The following TRAPPC10 variants were observed in gnomAD, a reference collection of about 807,000 sequenced individuals.
TRAPPC10 encodes the protein trafficking protein particle complex subunit 10, also known as TRAPP 130 kDa subunit.
A neutral mutation model predicts 125.5 loss-of-function variants in TRAPPC10; 23 were observed. The observed-to-expected ratio is 0.18, with a 90% CI of 0.13 to 0.26. TRAPPC10 has a LOEUF of 0.26. Among genes scored for constraint, TRAPPC10 ranks in the 10% least tolerant of loss-of-function variants. TRAPPC10 has a pLI of 1.00. For missense variants in TRAPPC10, 1,123 were observed against 1,308.4 expected (o/e 0.86, Z 2.19); for synonymous variants, 509 against 518.0 (o/e 0.98, Z 0.24).
At chr21:44,078,722 G>A (rs2037458281) in intron 11 of TRAPPC10, among the ~76,000 whole-genome samples, 1 of 152,210 alleles carries the variant, frequency 6.6e-6, no homozygotes, top group South Asian at 2.1e-4. Flanking sequence ...GAAGCAGAGA[G>A]GCTTCTCGGG....
intron 1 of TRAPPC10, among the ~76,000 whole-genome samples, chr21:44,028,248 A>G (rs1214647810): frequency 2.0e-5 from 3 of 152,266 alleles, no homozygotes. Flanking sequence ...CAGAAAATCC[A>G]ATTGCAACTG....
chr21:44,071,813 C>G (rs2036890217), intron 7 of TRAPPC10, among the ~76,000 whole-genome samples: 1 of 152,232 alleles, frequency 6.6e-6, no homozygotes, highest in African/African-American at 2.4e-5. Context: ...GAGACCAGAG[C>G]AGGCCCGGGG....
At chr21:44,027,840 A>T (rs2033211776) in intron 1 of TRAPPC10, among the ~76,000 whole-genome samples, 1 of 152,156 alleles carries the variant, frequency 6.6e-6, no homozygotes, top group Non-Finnish European at 1.5e-5. Flanking sequence ...TAGTGCCCTT[A>T]TAAAAAAGGG....
chr21:44,080,027 C>T lies in TRAPPC10; in HGVS notation c.1623C>T (p.Thr541=), dbSNP rs751615736. ...HLGQIENYLQ[T]SSLLASDHHL... is the part of the protein sequence containing the mutation. ...CTCTCCGCTCCAGCTACCTGCAGACCAGCAGCCTCTTAGCCAGTGACCACC... is the reference window on the plus strand; with the variant it reads ...CTCTCCGCTCCAGCTACCTGCAGACTAGCAGCCTCTTAGCCAGTGACCACC... Residue 541 remains threonine (T), a synonymous_variant, in exon 13 of 23, where the codon ACC becomes ACT. Transcript: ENST00000291574. 1.9e-6 allele frequency: 3 copies of T among 1,614,088 alleles called. No individual in the cohort carries two copies. The highest frequency in any genetic ancestry group is 2.2e-5 in the South Asian group (2 of 91,076).
At chr21:44,077,584 CA>C in intron 10 of TRAPPC10, 108 bp from the exon 11 acceptor site, 2 of 871,664 alleles carry the variant, frequency 2.3e-6, no homozygotes, top group Non-Finnish European at 1.8e-6. Flanking sequence ...GACTCTGTCT[CA>C]AAACAAAAAC....
chr21:44,074,254 G>T (rs994442941), intron 7 of TRAPPC10, 70 bp from the exon 8 acceptor site: 1 of 1,592,308 alleles, frequency 6.3e-7, no homozygotes, highest in Non-Finnish European at 8.6e-7. Flanking sequence ...TCAAGCTAGA[G>T]CATGTGGGTT....
chr21:44,023,306 A>G (rs967489044), intron 1 of TRAPPC10, among the ~76,000 whole-genome samples: 11 of 152,004 alleles, frequency 7.2e-5, no homozygotes, highest in African/African-American at 2.7e-4. Context: ...AAGTGCTGGG[A>G]TTACAGATGT....
intron 1 of TRAPPC10, among the ~76,000 whole-genome samples, chr21:44,018,598 T>C (rs113098981): frequency 6.6e-6 from 1 of 151,124 alleles, no homozygotes; most frequent in Non-Finnish European, 1.5e-5. Context: ...ACTCGGGAGG[T>C]TGAGGCAGGA....
rs141678874 is a variant in TRAPPC10 at position 44,021,036 on chromosome 21, T to TA, written c.67+8481dup. The stretch of plus-strand genomic sequence containing the variant: ...AGAAAGCCTTTGCCATATAATTAAA[T>TA]AAAAATGTCACTTTAGCATTCTAAG... On this transcript the variant is annotated intron_variant, in intron 1 of 22. Coordinates refer to ENST00000291574, the MANE Select transcript of TRAPPC10 (RefSeq NM_003274.5). 2.2e-3 allele frequency among the ~76,000 whole-genome samples: 329 copies of TA among 152,334 alleles called. 1 individual carries two copies. Among genetic ancestry groups the TA allele is most frequent in the African/African-American group, 7.6e-3 (318 of 41,574 alleles).
intron 7 of TRAPPC10, among the ~76,000 whole-genome samples, chr21:44,071,778 A>T (rs2036886695): frequency 6.6e-6 from 1 of 152,270 alleles, no homozygotes; most frequent in Admixed American, 6.5e-5. Context: ...CACTTAGAGC[A>T]TGGAGCCGGT....
At chr21:44,034,056 G>T (rs2033795046) in intron 2 of TRAPPC10, among the ~76,000 whole-genome samples, 1 of 152,196 alleles carries the variant, frequency 6.6e-6, no homozygotes, top group African/African-American at 2.4e-5. Context: ...AAAGGAGGAG[G>T]CAGCGGAGGC....
At position 44,087,530 on chromosome 21, in the gene TRAPPC10, C is replaced by T. The variant is rs557434205; in HGVS notation, c.2540-169C>T. On this transcript the variant is annotated intron_variant, in intron 16 of 22. Coordinates refer to ENST00000291574, the MANE Select transcript of TRAPPC10 (RefSeq NM_003274.5). This position sits in a 1 kb window ranked among gnomAD's most constrained non-coding sequence, Gnocchi z 4.6. ...CTGGGCGCCTGCCTGCCGGCTTTCA[C>T]ACAGGGCTGCTCTGTCCTAGGGGCC... Among the ~76,000 whole-genome samples the T allele has an allele frequency of 1.3e-5, 2 of 152,172 alleles. No individual in the cohort carries two copies. The highest frequency in any genetic ancestry group is 3.9e-4 in the East Asian group (2 of 5,164).
chr21:44,074,409 G>A lies in TRAPPC10; in HGVS notation c.1124G>A (p.Arg375Gln), dbSNP rs144074948. 3.2e-5 allele frequency: 51 copies of A among 1,614,100 alleles called. 1 individual carries two copies. In the African/African-American group the frequency reaches 5.7e-4, roughly 18 times the overall value. ...VLQRIEGCCD[R>Q]AQIDSNIAHT... ...CAGAGGATAGAAGGCTGCTGTGACCGGGCACAGATCGACTCAAACATTGCC... is the reference window on the plus strand; with the variant it reads ...CAGAGGATAGAAGGCTGCTGTGACCAGGCACAGATCGACTCAAACATTGCC... Residue 375 changes from arginine to glutamine, a missense_variant, in exon 8 of 23, where the codon CGG becomes CAG. By Grantham distance (43) the Arg-to-Gln change is conservative. Transcript: ENST00000291574.
At chr21:44,038,653 A>C (rs2034175947) in intron 3 of TRAPPC10, among the ~76,000 whole-genome samples, 1 of 152,140 alleles carries the variant, frequency 6.6e-6, no homozygotes, top group Non-Finnish European at 1.5e-5. Context: ...TCTGTGCGGC[A>C]CTTCTTCCTG....
In TRAPPC10 at chr21:44,028,811, C is replaced by A. The variant is rs142677026; in HGVS notation, c.68-3280C>A. Among the ~76,000 whole-genome samples, 439 of 152,274 alleles carry A rather than the reference C, an allele frequency of 2.9e-3. 4 individuals are homozygous for A. Among genetic ancestry groups the A allele is most frequent in the African/African-American group, 9.9e-3 (411 of 41,554 alleles). ...GGTTTCTGAGTGTGGGCACATCAGT[C>A]TCAAGCCCCGTTTTGGCTCTTAGGA... is the stretch of plus-strand genomic sequence containing the variant. On this transcript the variant is annotated intron_variant, in intron 1 of 22. Transcript: ENST00000291574.
At chr21:44,014,912 G>A (rs538488177) in intron 1 of TRAPPC10, among the ~76,000 whole-genome samples, 2 of 152,224 alleles carry the variant, frequency 1.3e-5, no homozygotes, top group South Asian at 4.2e-4. Context: ...TTGAAATTAT[G>A]TTGTGGTATA....
At chr21:44,027,080 A>G (rs2033140633) in intron 1 of TRAPPC10, among the ~76,000 whole-genome samples, 1 of 152,232 alleles carries the variant, frequency 6.6e-6, no homozygotes, top group African/African-American at 2.4e-5. Flanking sequence ...GATGTATTTT[A>G]TTAGAAAACT....
chr21:44,060,234 AT>A (rs1184533868), intron 6 of TRAPPC10: 3 of 152,166 alleles, frequency 2.0e-5, no homozygotes, highest in Non-Finnish European at 2.9e-5. Flanking sequence ...AAGTAAAAAA[AT>A]AAAATAAAAA....
In TRAPPC10 at chr21:44,059,168, A is replaced by G. The variant is rs1206082691; in HGVS notation, c.744A>G (p.Glu248=). 6.2e-7 allele frequency: 1 copy of G among 1,612,070 alleles called. No individual in the cohort carries two copies. ...QFEDALVQYD[E]LDALFSQYVV... The stretch of plus-strand genomic sequence containing the variant: ...AGGACGCCCTGGTGCAGTACGACGA[A>G]CTGGACGCCCTCTTCTCTCAGTATG... Residue 248 remains glutamate, a synonymous_variant, in exon 6 of 23, where the codon GAA becomes GAG. Coordinates refer to ENST00000291574, the MANE Select transcript of TRAPPC10 (RefSeq NM_003274.5). The surrounding 1 kb of genome is among the most constrained non-coding windows in gnomAD (Gnocchi z 4.4).
Sources: allele counts gnomAD v4.1 joint callset (sites outside exome capture counted in the v4.1 genomes callset), GRCh38; gene constraint gnomAD v4.1.1; non-coding constraint Gnocchi (gnomAD v3.1); transcripts MANE v1.5; gene names NCBI Gene and HGNC (gene_info 2026-07-23, HGNC 2026-07-21).